Variants in CEP112 observed in about 807,000 individuals in gnomAD.
CEP112 encodes the protein centrosomal protein of 112 kDa.
In CEP112, 127 loss-of-function variants were observed where a neutral mutation model predicts 153.0. The ratio of observed to expected loss-of-function variants is 0.83; its 90% CI spans 0.72 to 0.96. The LOEUF is 0.96. CEP112 is among the 40% of genes least tolerant of loss of function. The pLI is 0.00. For missense variants in CEP112, 1,089 were observed against 1,101.2 expected (o/e 0.99, Z 0.16); for synonymous variants, 358 against 374.4 (o/e 0.96, Z 0.51).
intron 4 of CEP112, among the ~76,000 whole-genome samples, chr17:66,168,423 GTA>G (rs34227339): frequency 0.14 from 20,221 of 140,316 alleles, 1,800 homozygotes; most frequent in Non-Finnish European, 0.22. Context: ...GTGTGTGTGT[GTA>G]TATATATGTA....
intron 21 of CEP112, among the ~76,000 whole-genome samples, chr17:65,817,208 G>C (rs1041436949): frequency 6.6e-6 from 1 of 151,720 alleles, no homozygotes; most frequent in Non-Finnish European, 1.5e-5. Context: ...TAAAACCCAG[G>C]TATAAGGAGA....
chr17:66,020,725 C>T (rs1443284), intron 16 of CEP112, among the ~76,000 whole-genome samples: 62,550 of 152,070 alleles, frequency 0.41, 14,331 homozygotes, highest in East Asian at 0.87. Context: ...AAAGCAGCAA[C>T]AAACATTTGC....
intron 20 of CEP112, among the ~76,000 whole-genome samples, chr17:65,852,679 C>T (rs755718530): frequency 1.5e-4 from 22 of 151,614 alleles, no homozygotes; most frequent in Non-Finnish European, 2.4e-4. Context: ...CTGAAACTTG[C>T]TGTTTCAAAT....
At chr17:66,102,564 G>A (rs768459488) in intron 6 of CEP112, among the ~76,000 whole-genome samples, 11 of 152,026 alleles carry the variant, frequency 7.2e-5, no homozygotes, top group South Asian at 2.1e-4. Flanking sequence ...TTGGGAGGCC[G>A]AGGTGGGCAG....
intron 19 of CEP112, among the ~76,000 whole-genome samples, chr17:65,917,901 G>A (rs2060553650): frequency 6.6e-6 from 1 of 152,080 alleles, no homozygotes; most frequent in African/African-American, 2.4e-5. Flanking sequence ...ACCTGGCTGG[G>A]CGCGGTGGCT....
At chr17:65,655,004 G>C (rs573001041) in intron 24 of CEP112, 6 of 698,034 alleles carry the variant, frequency 8.6e-6, no homozygotes, top group African/African-American at 1.8e-5. Context: ...AGAAGAACAG[G>C]CCCTTATCAT....
chr17:65,956,360 G>A (rs143129843), intron 18 of CEP112, among the ~76,000 whole-genome samples: 6 of 151,472 alleles, frequency 4.0e-5, no homozygotes, highest in East Asian at 3.9e-4. Flanking sequence ...CCAAATGCCC[G>A]TAAGTCAACG....
chr17:66,166,911 A>AAAAAAAAC (rs1470934087), intron 4 of CEP112, among the ~76,000 whole-genome samples: 7 of 151,662 alleles, frequency 4.6e-5, no homozygotes, highest in South Asian at 2.1e-4. Context: ...CTCAAAAAAA[A>AAAAAAAAC]AAAAAAAAAA....
At chr17:65,662,294 C>G (rs945334245) in intron 24 of CEP112, among the ~76,000 whole-genome samples, 1 of 152,184 alleles carries the variant, frequency 6.6e-6, no homozygotes. Context: ...CTGTTACTGA[C>G]TTAGATAAAA....
rs761806953 is a variant in CEP112, at chr17:66,176,935, G to T, written c.192C>A (p.Asn64Lys). 3 of 1,613,756 alleles carry T rather than the reference G, an allele frequency of 1.9e-6. No homozygotes were observed. The African/African-American group carries it at 4.0e-5, about 22-fold the overall frequency. The change falls in exon 3 of 27, where the codon AAC becomes AAA. Residue 64 changes from asparagine (N) to lysine (K), a missense_variant. By Grantham distance (94) the Asn-to-Lys change is moderately conservative. Transcript: ENST00000535342. ...GAGIMGRKNR[N>K]LYAKLLLHML... ...TATGCAATAACAATTTTGCATACAG[G>T]TTCCGATTCTTCCTCCCCATTATTC...
intron 23 of CEP112, among the ~76,000 whole-genome samples, chr17:65,710,111 C>T (rs2049101416): frequency 6.6e-6 from 1 of 152,146 alleles, no homozygotes; most frequent in Non-Finnish European, 1.5e-5. Context: ...GTGTGAGAAG[C>T]ACTTATACAG....
rs1044323466 is a variant in CEP112 at position 66,130,637 on chromosome 17, G to A, written c.565-814C>T. The stretch of plus-strand genomic sequence containing the variant: ...AAAAATACAAAAAAATTAGCCGGGC[G>A]TGGTGGTGGGCACCTGTAATCCCAG... On this transcript the variant is annotated intron_variant, in intron 5 of 26. Transcript: ENST00000535342. 5.7e-4 allele frequency among the ~76,000 whole-genome samples: 87 copies of A among 152,018 alleles called. 1 individual carries two copies. The highest frequency in any genetic ancestry group is 1.1e-3 in the African/African-American group (46 of 41,478).
intron 16 of CEP112, among the ~76,000 whole-genome samples, chr17:66,018,806 A>T (rs1156612039): frequency 6.6e-6 from 1 of 152,198 alleles, no homozygotes; most frequent in East Asian, 1.9e-4. Flanking sequence ...TTTTAAGTAG[A>T]TATTTCAATT....
chr17:65,689,084 C>G (rs763374980), intron 24 of CEP112, 45 bp downstream of exon 24: 4 of 1,397,744 alleles, frequency 2.9e-6, no homozygotes, highest in African/African-American at 1.4e-5. Context: ...ACTTCTTGAC[C>G]TAGAGAAAGT....
Position 66,132,773 on chromosome 17 carries a change from C to T in CEP112, c.471-10G>A. 1 of 1,570,844 alleles carries T rather than the reference C, an allele frequency of 6.4e-7. No homozygotes were observed. Among genetic ancestry groups the T allele is most frequent in the Non-Finnish European group, 8.8e-7 (1 of 1,140,590 alleles). On this transcript the variant is annotated splice_polypyrimidine_tract_variant and intron_variant, in intron 4 of 26. Coordinates refer to ENST00000535342, the MANE Select transcript of CEP112 (RefSeq NM_001199165.4). Reference sequence around the variant, plus strand: ...AGTGTACTGTTCCCTGCTAAGAGACCAAAATAATCGCAATCACAATTTGGA... The same window carrying T: ...AGTGTACTGTTCCCTGCTAAGAGACTAAAATAATCGCAATCACAATTTGGA...
intron 19 of CEP112, among the ~76,000 whole-genome samples, chr17:65,909,207 G>GATGGT (rs1176626355): frequency 1.3e-5 from 2 of 152,188 alleles, no homozygotes; most frequent in Non-Finnish European, 2.9e-5. Flanking sequence ...AAGGGGAAAT[G>GATGGT]ATGGTATAAA....
intron 16 of CEP112, among the ~76,000 whole-genome samples, chr17:66,019,994 G>A (rs1223730223): frequency 2.0e-5 from 3 of 152,196 alleles, no homozygotes; most frequent in African/African-American, 7.2e-5. Context: ...TCCTCAGCAG[G>A]ATGTAATGAA....
intron 17 of CEP112, among the ~76,000 whole-genome samples, chr17:65,998,997 TATA>T (rs755027949): frequency 8.5e-5 from 13 of 152,128 alleles, no homozygotes; most frequent in Non-Finnish European, 1.9e-4. Flanking sequence ...TTATATCTAG[TATA>T]ATAATATCTA....
Position 65,957,577 on chromosome 17 carries a change from A to G in CEP112, c.1872+3886T>C, listed in dbSNP as rs35998527. Among the ~76,000 whole-genome samples, 1,199 of 152,154 alleles carry G rather than the reference A, an allele frequency of 7.9e-3. 6 individuals carry two copies. Among genetic ancestry groups the G allele is most frequent in the Admixed American group, 0.013 (206 of 15,276 alleles). ...ATCCATTTATTCTAACTTTTGTGTTAACTTTATTTTAGTTATTAGTTTTAT... is the reference window on the plus strand; with the variant it reads ...ATCCATTTATTCTAACTTTTGTGTTGACTTTATTTTAGTTATTAGTTTTAT... On this transcript the variant is annotated intron_variant, in intron 18 of 26. Coordinates refer to ENST00000535342, the MANE Select transcript of CEP112 (RefSeq NM_001199165.4).
Sources: gnomAD v4.1 joint callset for allele counts (sites outside exome capture counted in the v4.1 genomes callset) on GRCh38, gnomAD v4.1.1 for gene constraint, MANE v1.5 for transcripts, NCBI Gene and HGNC (gene_info 2026-07-23, HGNC 2026-07-21) for gene names.